The following NAV2 variants were observed in gnomAD, a reference collection of about 807,000 sequenced individuals.
The protein encoded by NAV2 is neuron navigator 2, also known as helicase, APC down-regulated 1.
Under a neutral mutation model 223.2 loss-of-function variants are expected in NAV2, and 54 were observed. The ratio of observed to expected loss-of-function variants is 0.24; its 90% CI spans 0.19 to 0.30. NAV2 has a LOEUF of 0.30. Among genes scored for constraint, NAV2 ranks in the 10% least tolerant of loss-of-function variants. NAV2 has a pLI of 1.00. For missense variants in NAV2, 2,806 were observed against 3,147.5 expected (o/e 0.89, Z 2.60); for synonymous variants, 1,279 against 1,239.3 (o/e 1.03, Z -0.67).
chr11:19,755,339 A>G (rs1211476394), intron 1 of NAV2, among the ~76,000 whole-genome samples: 1 of 152,202 alleles, frequency 6.6e-6, no homozygotes, highest in Non-Finnish European at 1.5e-5. Flanking sequence ...TTTTTTTAAA[A>G]TGTGTAAGAG....
chr11:19,576,664 A>C (rs1352848169), intron 1 of NAV2, among the ~76,000 whole-genome samples: 1 of 152,222 alleles, frequency 6.6e-6, no homozygotes, highest in Non-Finnish European at 1.5e-5. Context: ...GGAAATTTCA[A>C]AGATCTGCTG....
At chr11:19,598,729 G>T (rs924546047) in intron 1 of NAV2, among the ~76,000 whole-genome samples, 3 of 152,176 alleles carry the variant, frequency 2.0e-5, no homozygotes, top group Non-Finnish European at 2.9e-5. Flanking sequence ...TTCTCTCCCA[G>T]GGAGTTTGAC....
chr11:20,082,652 A>G (rs374625417), intron 25 of NAV2: 2 of 1,546,470 alleles, frequency 1.3e-6, no homozygotes, highest in East Asian at 2.2e-5. Context: ...ATCCATTGAT[A>G]TGACTAACCT....
At chr11:19,584,878 G>C (rs544465972) in intron 1 of NAV2, among the ~76,000 whole-genome samples, 1 of 152,336 alleles carries the variant, frequency 6.6e-6, no homozygotes, top group Admixed American at 6.5e-5. Context: ...GGAGAGTTCT[G>C]TAGATGTCTA....
chr11:19,599,452 G>T (rs1013125823), intron 1 of NAV2, among the ~76,000 whole-genome samples: 2 of 152,182 alleles, frequency 1.3e-5, no homozygotes, highest in African/African-American at 4.8e-5. Context: ...TGTCCAGCAG[G>T]CAGAAATGCT....
chr11:19,776,901 C>T (rs796815482), intron 1 of NAV2, among the ~76,000 whole-genome samples: 20 of 152,138 alleles, frequency 1.3e-4, no homozygotes, highest in African/African-American at 4.3e-4. Flanking sequence ...CTCACCCCTA[C>T]CCATCTTCTG....
In NAV2 at chr11:19,933,073, T is replaced by C; in HGVS notation, c.932-103T>C. The C allele has an allele frequency of 7.4e-7, 1 of 1,352,870 alleles. No homozygotes were observed. Among genetic ancestry groups the C allele is most frequent in the Non-Finnish European group, 9.8e-7 (1 of 1,022,352 alleles). 83.8% of individuals were successfully genotyped at this position (1,352,870 alleles called of 1,614,324 possible). On this transcript the variant is annotated intron_variant, in intron 6 of 37. Transcript: ENST00000349880. This position sits in a 1 kb window ranked among gnomAD's most constrained non-coding sequence, Gnocchi z 4.3. Reference sequence around the variant, plus strand: ...AAGTGGGCAATGGAGCTATACGGCATTTGGGTTGGGAGTGATTGGTTGTGT... The same window carrying C: ...AAGTGGGCAATGGAGCTATACGGCACTTGGGTTGGGAGTGATTGGTTGTGT...
At chr11:19,850,900 A>T (rs190881225) in intron 3 of NAV2, among the ~76,000 whole-genome samples, 244 of 152,338 alleles carry the variant, frequency 1.6e-3, no homozygotes, top group African/African-American at 5.7e-3. Flanking sequence ...ATTAAAAAGA[A>T]TGGAGAACTT....
At chr11:19,917,270 T>A (rs1271853058) in intron 6 of NAV2, among the ~76,000 whole-genome samples, 1 of 152,206 alleles carries the variant, frequency 6.6e-6, no homozygotes, top group Non-Finnish European at 1.5e-5. Context: ...GCCCACCTCC[T>A]TGCTGGTTTC....
At chr11:19,495,948 C>G (rs1050622219) in intron 1 of NAV2, among the ~76,000 whole-genome samples, 2 of 152,092 alleles carry the variant, frequency 1.3e-5, no homozygotes, top group African/African-American at 4.8e-5. Flanking sequence ...GGGAGCAGGT[C>G]TAAGGGAGGC....
chr11:19,802,726 A>G lies in NAV2; in HGVS notation c.268-29758A>G, dbSNP rs1265366296. On this transcript the variant is annotated intron_variant, in intron 1 of 37. Transcript: ENST00000349880. ...CCCTGTCTCTCAAAAAAAAAAAAAA[A>G]AAAATTACACCAATGTTTTTTCATC... Among the ~76,000 whole-genome samples, 3 of 151,922 alleles carry G rather than the reference A, an allele frequency of 2.0e-5. No individual in the cohort carries two copies. The East Asian group carries it at 5.8e-4, about 30-fold the overall frequency.
intron 6 of NAV2, among the ~76,000 whole-genome samples, chr11:19,896,979 A>G (rs1450747400): frequency 6.6e-6 from 1 of 152,094 alleles, no homozygotes; most frequent in Non-Finnish European, 1.5e-5. Context: ...ACTTGGAACC[A>G]ACCCAAATGT....
chr11:19,366,617 G>A (rs1384104193), intron 1 of NAV2, among the ~76,000 whole-genome samples: 1 of 152,154 alleles, frequency 6.6e-6, no homozygotes, highest in African/African-American at 2.4e-5. Context: ...GAATTAAACA[G>A]ACCCCAGATA....
intron 2 of NAV2, among the ~76,000 whole-genome samples, chr11:19,841,425 C>G (rs1337174187): frequency 2.0e-5 from 3 of 151,980 alleles, no homozygotes; most frequent in Non-Finnish European, 4.4e-5. Context: ...TGGCTTTTCT[C>G]TTTTTGGAAG....
intron 1 of NAV2, among the ~76,000 whole-genome samples, chr11:19,438,969 G>A (rs1009101409): frequency 4.6e-5 from 7 of 151,710 alleles, no homozygotes; most frequent in African/African-American, 1.7e-4. Context: ...TAGCTCAATC[G>A]CCAGCCCCTC....
chr11:19,591,768 G>T (rs1410463938), intron 1 of NAV2, among the ~76,000 whole-genome samples: 1 of 152,190 alleles, frequency 6.6e-6, no homozygotes, highest in Non-Finnish European at 1.5e-5. Flanking sequence ...AGGACCTTGA[G>T]AAACTTTATC....
At chr11:20,039,880 G>A (rs2056752376) in intron 12 of NAV2, among the ~76,000 whole-genome samples, 1 of 152,204 alleles carries the variant, frequency 6.6e-6, no homozygotes, top group Non-Finnish European at 1.5e-5. Context: ...TGTCTTGTGT[G>A]GCCTTGAGTG....
intron 1 of NAV2, among the ~76,000 whole-genome samples, chr11:19,586,110 C>T (rs1477304325): frequency 6.6e-6 from 1 of 152,198 alleles, no homozygotes; most frequent in Non-Finnish European, 1.5e-5. Flanking sequence ...AACTTCTCTT[C>T]TCACTTCATT....
At chr11:19,863,306 A>G (rs2061897031) in intron 3 of NAV2, among the ~76,000 whole-genome samples, 1 of 152,094 alleles carries the variant, frequency 6.6e-6, no homozygotes, top group Non-Finnish European at 1.5e-5. Context: ...GGGACCTCTC[A>G]TTGCCCTTCT....
Sources: allele counts gnomAD v4.1 joint callset (sites outside exome capture counted in the v4.1 genomes callset), GRCh38; gene constraint gnomAD v4.1.1; non-coding constraint Gnocchi (gnomAD v3.1); transcripts MANE v1.5; gene names NCBI Gene and HGNC (gene_info 2026-07-23, HGNC 2026-07-21).